The following ZBTB20 variants were observed in gnomAD, a reference collection of about 807,000 sequenced individuals.
ZBTB20 encodes the protein zinc finger and BTB domain containing 20, also known as zinc finger and BTB domain-containing protein 20.
Under a neutral mutation model 56.9 loss-of-function variants are expected in ZBTB20, and 9 were observed. The observed-to-expected ratio is 0.16, with a 90% CI of 0.10 to 0.28. The LOEUF (loss-of-function observed/expected upper bound fraction) is 0.28, where lower values mean the gene tolerates loss of function less well. Among genes scored for constraint, ZBTB20 ranks in the 10% least tolerant of loss-of-function variants. ZBTB20 has a pLI of 1.00. For missense variants in ZBTB20, 655 were observed against 1,003.0 expected, an observed-to-expected ratio of 0.65 and a Z score of 4.69; for synonymous variants, 417 against 420.7, an observed-to-expected ratio of 0.99 and a Z score of 0.11.
intron 1 of ZBTB20, among the ~76,000 whole-genome samples, chr3:115,117,032 C>T (rs2084039426): frequency 1.3e-5 from 2 of 152,068 alleles, no homozygotes; most frequent in South Asian, 4.1e-4. Context: ...CAATTAACTG[C>T]ACAACCATTG....
chr3:114,446,015 T>A (rs1466989180), intron 7 of ZBTB20, among the ~76,000 whole-genome samples: 1 of 152,116 alleles, frequency 6.6e-6, no homozygotes, highest in Non-Finnish European at 1.5e-5. Flanking sequence ...ACTGCGACAA[T>A]CTATATATTC....
intron 4 of ZBTB20, among the ~76,000 whole-genome samples, chr3:114,892,003 C>T (rs541672276): frequency 6.6e-6 from 1 of 152,008 alleles, no homozygotes; most frequent in South Asian, 2.1e-4. Flanking sequence ...GCCGTGATCG[C>T]GCCTCTGCAC....
At chr3:114,512,742 C>T (rs1262266959) in intron 6 of ZBTB20, among the ~76,000 whole-genome samples, 1 of 152,148 alleles carries the variant, frequency 6.6e-6, no homozygotes, top group Non-Finnish European at 1.5e-5. Flanking sequence ...TGAGTCCTTA[C>T]AATCTGATCT....
intron 6 of ZBTB20, among the ~76,000 whole-genome samples, chr3:114,689,976 C>T (rs1186504744): frequency 6.7e-6 from 1 of 149,436 alleles, no homozygotes; most frequent in African/African-American, 2.5e-5. Flanking sequence ...GTAAAGGAGA[C>T]AAAATAATCA....
chr3:114,997,732 T>C (rs901567479), intron 2 of ZBTB20, among the ~76,000 whole-genome samples: 1 of 151,764 alleles, frequency 6.6e-6, no homozygotes, highest in South Asian at 2.1e-4. Flanking sequence ...TTAGTCTTTT[T>C]AAGTGGTAGG....
At chr3:115,030,406 T>C (rs1041293952) in intron 2 of ZBTB20, among the ~76,000 whole-genome samples, 3 of 151,232 alleles carry the variant, frequency 2.0e-5, no homozygotes, top group Admixed American at 2.0e-4. Flanking sequence ...ATTATCTGTT[T>C]ACATGTATTA....
At chr3:114,697,250 CTCTT>C (rs1278547446) in intron 5 of ZBTB20, among the ~76,000 whole-genome samples, 11 of 152,100 alleles carry the variant, frequency 7.2e-5, no homozygotes, top group South Asian at 2.1e-4. Flanking sequence ...CTTCCTTATA[CTCTT>C]TCTATTTTAA....
chr3:114,396,520 C>T (rs1315076475), intron 7 of ZBTB20, among the ~76,000 whole-genome samples: 9 of 152,090 alleles, frequency 5.9e-5, no homozygotes, highest in Non-Finnish European at 1.0e-4. Flanking sequence ...ATTTTATAGA[C>T]GAAGGAGGTG....
intron 7 of ZBTB20, 127 bp downstream of exon 7, chr3:114,500,225 A>T (rs1172767432): frequency 6.6e-6 from 1 of 152,216 alleles, no homozygotes; most frequent in Non-Finnish European, 1.5e-5. Context: ...ACGCAAAAGA[A>T]ACTAATACAC....
At chr3:114,738,407 T>C (rs1178915170) in intron 5 of ZBTB20, among the ~76,000 whole-genome samples, 2 of 152,250 alleles carry the variant, frequency 1.3e-5, no homozygotes, top group African/African-American at 4.8e-5. Flanking sequence ...ATGTGCCAAA[T>C]TGGTTTGTTA....
chr3:115,062,819 T>C (rs77050949), intron 2 of ZBTB20, among the ~76,000 whole-genome samples: 2,335 of 152,222 alleles, frequency 0.015, 30 homozygotes, highest in South Asian at 0.051. Context: ...AAACATTCCA[T>C]GAGAATAGAT....
At chr3:114,798,267 T>C (rs1456695208) in intron 5 of ZBTB20, among the ~76,000 whole-genome samples, 6 of 151,412 alleles carry the variant, frequency 4.0e-5, no homozygotes. Context: ...GAATATTAAG[T>C]CAACCAAATA....
chr3:114,557,469 C>T (rs2051390101), intron 6 of ZBTB20, among the ~76,000 whole-genome samples: 3 of 151,846 alleles, frequency 2.0e-5, no homozygotes, highest in Admixed American at 6.6e-5. Context: ...TATATAGTAC[C>T]TAATTGTTTT....
chr3:114,918,996 G>A (rs142515685), intron 3 of ZBTB20, among the ~76,000 whole-genome samples: 6 of 152,294 alleles, frequency 3.9e-5, no homozygotes, highest in African/African-American at 1.2e-4. Context: ...GGACCCCAGA[G>A]AATTTTAGCC....
chr3:114,757,804 A>T (rs542435412), intron 5 of ZBTB20, among the ~76,000 whole-genome samples: 1 of 152,150 alleles, frequency 6.6e-6, no homozygotes, highest in African/African-American at 2.4e-5. Flanking sequence ...AGAAGGCAAC[A>T]TATGTTTTAT....
At chr3:114,545,731 G>A (rs1423433533) in intron 6 of ZBTB20, among the ~76,000 whole-genome samples, 1 of 152,184 alleles carries the variant, frequency 6.6e-6, no homozygotes, top group Non-Finnish European at 1.5e-5. Context: ...TCTAGTTAAA[G>A]TAATGGCCTC....
chr3:115,112,655 T>C (rs1174237607), intron 1 of ZBTB20, among the ~76,000 whole-genome samples: 1 of 152,214 alleles, frequency 6.6e-6, no homozygotes, highest in Admixed American at 6.5e-5. Context: ...GGCCAAATAG[T>C]ATTTCATTGT....
At chr3:114,473,178 A>G (rs1336068729) in intron 7 of ZBTB20, among the ~76,000 whole-genome samples, 1 of 152,228 alleles carries the variant, frequency 6.6e-6, no homozygotes, top group Non-Finnish European at 1.5e-5. Flanking sequence ...TATGTGTGCT[A>G]TGTCCCAGAC....
intron 2 of ZBTB20, chr3:115,027,593 A>T (rs1256125307): frequency 6.6e-6 from 1 of 150,994 alleles, no homozygotes; most frequent in East Asian, 1.9e-4. Flanking sequence ...ATAAAAGTAA[A>T]GTATTCTTAC....
Sources: allele counts gnomAD v4.1 joint callset (sites outside exome capture counted in the v4.1 genomes callset), GRCh38; gene constraint gnomAD v4.1.1; transcripts MANE v1.5; gene names NCBI Gene and HGNC (gene_info 2026-07-23, HGNC 2026-07-21).